The following EYS variants were observed in gnomAD, a reference collection of about 807,000 sequenced individuals.
The protein encoded by EYS is EGF-like photoreceptor maintenance factor.
Under a neutral mutation model 282.1 loss-of-function variants are expected in EYS, and 250 were observed. The ratio of observed to expected loss-of-function variants is 0.89; its 90% CI spans 0.80 to 0.98. EYS has a LOEUF of 0.98. Among genes scored for constraint, EYS ranks in the 50% least tolerant of loss-of-function variants. EYS has a pLI of 0.00. For missense variants in EYS, 4,016 were observed against 3,709.0 expected (o/e 1.08, Z -2.15); for synonymous variants, 1,355 against 1,282.9 (o/e 1.06, Z -1.20).
intron 13 of EYS, among the ~76,000 whole-genome samples, chr6:65,025,628 T>C (rs1772385465): frequency 1.3e-5 from 2 of 152,136 alleles, no homozygotes; most frequent in Admixed American, 1.3e-4. Context: ...GCACGAGAAC[T>C]GTTTGAACCC....
At chr6:64,864,389 T>TTTTTTTTTTTTTTTTTTTTTTTG (rs1766352669) in intron 19 of EYS, among the ~76,000 whole-genome samples, 1 of 119,422 alleles carries the variant, frequency 8.4e-6, no homozygotes, top group African/African-American at 3.0e-5. Context: ...TACCTTCTTT[T>TTTTTTTTTTTTTTTTTTTTTTTG]TTTTTTTTTT....
At chr6:65,324,015 C>T (rs1769549189) in intron 11 of EYS, among the ~76,000 whole-genome samples, 1 of 152,190 alleles carries the variant, frequency 6.6e-6, no homozygotes, top group Non-Finnish European at 1.5e-5. Flanking sequence ...CTCCACACAG[C>T]TTGACATGTT....
chr6:64,831,214 C>T (rs1248055726), intron 19 of EYS, among the ~76,000 whole-genome samples: 2 of 151,826 alleles, frequency 1.3e-5, no homozygotes, highest in African/African-American at 4.8e-5. Flanking sequence ...TAATCTTTTC[C>T]ATAGGAATGC....
chr6:64,681,811 G>A (rs1383878989), intron 22 of EYS, among the ~76,000 whole-genome samples: 2 of 152,154 alleles, frequency 1.3e-5, no homozygotes, highest in Non-Finnish European at 2.9e-5. Context: ...CGGGAGTTAC[G>A]TGCTACGGGA....
intron 22 of EYS, among the ~76,000 whole-genome samples, chr6:64,771,592 C>A (rs865835756): frequency 1.3e-5 from 2 of 151,844 alleles, no homozygotes; most frequent in South Asian, 4.1e-4. Flanking sequence ...GGCTTCATTG[C>A]AATTCATTCC....
intron 31 of EYS, among the ~76,000 whole-genome samples, chr6:64,143,626 G>A (rs762424145): frequency 3.9e-5 from 6 of 152,146 alleles, no homozygotes; most frequent in Non-Finnish European, 7.3e-5. Flanking sequence ...GCATCACAGG[G>A]CAGAAAACTG....
In EYS at chr6:64,681,547, C is replaced by T. The variant is rs138347131; in HGVS notation, c.3444-55302G>A. 2.6e-5 allele frequency among the ~76,000 whole-genome samples: 4 copies of T among 152,294 alleles called. No homozygotes were observed. The East Asian group carries it at 5.8e-4, about 22-fold the overall frequency. ...GTGGGGCTGGCGAGGGCTCTTCCCT[C>T]GTCCACTAGGAATGTCAGGTGATGG... is the stretch of plus-strand genomic sequence containing the variant. On this transcript the variant is annotated intron_variant, in intron 22 of 42. Coordinates refer to ENST00000503581, the MANE Select transcript of EYS (RefSeq NM_001142800.2).
chr6:64,683,632 G>A (rs962618191), intron 22 of EYS, among the ~76,000 whole-genome samples: 1 of 152,154 alleles, frequency 6.6e-6, no homozygotes, highest in African/African-American at 2.4e-5. Context: ...GAATAGGGCA[G>A]AAAATTGTAC....
intron 12 of EYS, among the ~76,000 whole-genome samples, chr6:65,139,402 G>A (rs979462754): frequency 6.6e-6 from 1 of 152,036 alleles, no homozygotes; most frequent in Non-Finnish European, 1.5e-5. Flanking sequence ...TAGACACAAA[G>A]AAGGGAACAA....
intron 29 of EYS, among the ~76,000 whole-genome samples, chr6:64,362,926 TTTTC>T (rs954271355): frequency 3.3e-5 from 5 of 151,722 alleles, no homozygotes; most frequent in African/African-American, 4.8e-5. Context: ...TCCTTGTCAA[TTTTC>T]TTTCTTTCTC....
At chr6:64,280,945 A>G (rs1178869963) in intron 30 of EYS, among the ~76,000 whole-genome samples, 1 of 152,148 alleles carries the variant, frequency 6.6e-6, no homozygotes, top group Non-Finnish European at 1.5e-5. Context: ...TTTTTTGGAA[A>G]TGAATGTTTC....
intron 26 of EYS, among the ~76,000 whole-genome samples, chr6:64,578,830 T>G (rs1765972482): frequency 6.6e-6 from 1 of 152,096 alleles, no homozygotes; most frequent in Non-Finnish European, 1.5e-5. Context: ...TAATCACTAT[T>G]ACACTTAGGC....
intron 12 of EYS, among the ~76,000 whole-genome samples, chr6:65,197,760 T>C (rs1167803995): frequency 6.6e-6 from 1 of 152,042 alleles, no homozygotes; most frequent in Non-Finnish European, 1.5e-5. Flanking sequence ...AAAAATTCAG[T>C]ATAGAAGATT....
intron 11 of EYS, among the ~76,000 whole-genome samples, chr6:65,322,097 T>G (rs9345607): frequency 6.6e-6 from 1 of 152,052 alleles, no homozygotes; most frequent in Non-Finnish European, 1.5e-5. Context: ...GCTACACTTA[T>G]GCCAAGAAGG....
At chr6:64,202,551 A>G (rs1360525301) in intron 31 of EYS, among the ~76,000 whole-genome samples, 2 of 152,192 alleles carry the variant, frequency 1.3e-5, no homozygotes, top group Non-Finnish European at 2.9e-5. Context: ...GTCTACATGA[A>G]GAAGCATAGA....
At chr6:64,560,424 C>A (rs896280800) in intron 26 of EYS, among the ~76,000 whole-genome samples, 1 of 151,802 alleles carries the variant, frequency 6.6e-6, no homozygotes, top group Non-Finnish European at 1.5e-5. Flanking sequence ...AGGTGTTTTT[C>A]TTAAAGAAAA....
chr6:65,047,648 C>T (rs1039509869), intron 13 of EYS, among the ~76,000 whole-genome samples: 1 of 151,946 alleles, frequency 6.6e-6, no homozygotes, highest in African/African-American at 2.4e-5. Flanking sequence ...TACTTCTGGT[C>T]TAACATCTTC....
chr6:64,145,097 A>G (rs865846934), intron 31 of EYS, among the ~76,000 whole-genome samples: 1 of 152,186 alleles, frequency 6.6e-6, no homozygotes, highest in South Asian at 2.1e-4. Context: ...AAAATTTGAC[A>G]GCTTCTATTG....
At chr6:63,744,759 G>C (rs555498011) in intron 41 of EYS, 4 of 185,656 alleles carry the variant, frequency 2.2e-5, no homozygotes, top group Admixed American at 6.4e-5. Flanking sequence ...GTAGAGACGG[G>C]GTTTCCCCAT....
Sources: gnomAD v4.1 joint callset for allele counts (sites outside exome capture counted in the v4.1 genomes callset) on GRCh38, gnomAD v4.1.1 for gene constraint, MANE v1.5 for transcripts, NCBI Gene and HGNC (gene_info 2026-07-23, HGNC 2026-07-21) for gene names.